Variants in PRKAG2 observed in about 807,000 individuals in gnomAD.
The protein encoded by PRKAG2 is protein kinase AMP-activated non-catalytic subunit gamma 2, also known as 5'-AMP-activated protein kinase subunit gamma-2.
PRKAG2 carries 26 observed loss-of-function variants against 69.6 expected under a neutral mutation model. That is an observed-to-expected ratio of 0.37 (90% CI 0.27 to 0.52). The LOEUF (loss-of-function observed/expected upper bound fraction) is 0.52. Among genes scored for constraint, PRKAG2 ranks in the 20% least tolerant of loss-of-function variants. The pLI is 0.90. For synonymous variants in PRKAG2, 293 were observed against 285.0 expected (o/e 1.03, Z -0.28); for missense variants, 557 against 740.0 (o/e 0.75, Z 2.87).
rs1343010457 is a variant in PRKAG2 at position 151,832,234 on chromosome 7, GAGGAGGAGGGAAGGAA to G, written c.114+44257_114+44272del. Among the ~76,000 whole-genome samples the G allele has an allele frequency of 8.8e-3, 493 of 56,152 alleles. 2 individuals carry two copies. Among genetic ancestry groups the G allele is most frequent in the African/African-American group, 0.03 (469 of 15,420 alleles). 36.8% of individuals were successfully genotyped at this position (56,152 alleles called of 152,430 possible). On this transcript the variant is annotated intron_variant, in intron 1 of 15. Coordinates refer to ENST00000287878, the MANE Select transcript of PRKAG2 (RefSeq NM_016203.4). ...GGAAGAGGAGGGGAGGAGGGAAGGA[GAGGAGGAGGGAAGGAA>G]GGGAGGAGGGAAGGAAGGGAGGAGG...
rs753859556 is a variant in PRKAG2, at chr7:151,675,512, G to A, written c.592C>T (p.Pro198Ser). 2 of 1,614,074 alleles carry A rather than the reference G, an allele frequency of 1.2e-6. No individual in the cohort carries two copies. The highest frequency in any genetic ancestry group is 1.3e-5 in the African/African-American group (1 of 74,928). Reference protein sequence around the residue: ...ENRIYASSSPPDTGQRFCPSS... With the variant: ...ENRIYASSSPSDTGQRFCPSS... ...GGGCAGAACCTCTGCCCTGTGTCCG[G>A]GGGGGAAGACGAGGCATAGATGCGA... The change falls in exon 4 of 16, where the codon CCG becomes TCG. Residue 198 changes from proline to serine, a missense_variant. Physicochemically the swap from Pro to Ser is moderately conservative, Grantham distance 74. Coordinates refer to ENST00000287878, the MANE Select transcript of PRKAG2 (RefSeq NM_016203.4).
rs564694149 is a variant in PRKAG2 at position 151,586,379 on chromosome 7, C to T, written c.864+8966G>A. ...TGACCGATTCCATTCATTCATAAAT[C>T]TCAGCTGGGATTGATACTACATTCC... On this transcript the variant is annotated intron_variant, in intron 6 of 15. Coordinates refer to ENST00000287878, the MANE Select transcript of PRKAG2 (RefSeq NM_016203.4). 6.5e-4 allele frequency among the ~76,000 whole-genome samples: 99 copies of T among 152,248 alleles called. 1 individual carries two copies. In the Middle Eastern group the frequency reaches 0.02, roughly 31 times the overall value.
At chr7:151,751,578 G>A (rs965398044) in intron 3 of PRKAG2, among the ~76,000 whole-genome samples, 15 of 151,834 alleles carry the variant, frequency 9.9e-5, no homozygotes, top group African/African-American at 3.6e-4. Context: ...CAATCACAGC[G>A]CACTGCAGCC....
intron 3 of PRKAG2, among the ~76,000 whole-genome samples, chr7:151,749,891 G>A (rs1436278735): frequency 6.6e-6 from 1 of 151,746 alleles, no homozygotes; most frequent in Non-Finnish European, 1.5e-5. Context: ...GAGGTCAGGA[G>A]TTTGAGACCA....
intron 4 of PRKAG2, among the ~76,000 whole-genome samples, chr7:151,663,376 CTTTTTG>C (rs1830595579): frequency 1.3e-5 from 2 of 152,158 alleles, no homozygotes; most frequent in South Asian, 4.1e-4. Flanking sequence ...CCAACATTTT[CTTTTTG>C]TTTTTGTTTT....
At chr7:151,726,371 GACACACACACACAC>G (rs60238080) in intron 3 of PRKAG2, among the ~76,000 whole-genome samples, 33,317 of 148,354 alleles carry the variant, frequency 0.22, 4,831 homozygotes, top group Non-Finnish European at 0.33. Flanking sequence ...AGGGAGGCAG[GACACACACACACAC>G]ACACACACAC....
intron 3 of PRKAG2, among the ~76,000 whole-genome samples, chr7:151,749,500 G>A (rs1429061182): frequency 1.3e-5 from 2 of 152,162 alleles, no homozygotes; most frequent in African/African-American, 4.8e-5. Context: ...TTGTGCATCA[G>A]AGGACAATAA....
intron 3 of PRKAG2, among the ~76,000 whole-genome samples, chr7:151,689,042 A>T (rs1835216227): frequency 6.6e-6 from 1 of 152,224 alleles, no homozygotes; most frequent in African/African-American, 2.4e-5. Context: ...AATGAAGTGG[A>T]AAATCAGTGT....
chr7:151,710,818 C>T (rs966628767), intron 3 of PRKAG2, among the ~76,000 whole-genome samples: 3 of 152,244 alleles, frequency 2.0e-5, no homozygotes, highest in Non-Finnish European at 2.9e-5. Context: ...ACTTTGTTCT[C>T]TGTACCTCTG....
chr7:151,848,058 C>T (rs1016768622), intron 1 of PRKAG2, among the ~76,000 whole-genome samples: 1 of 152,238 alleles, frequency 6.6e-6, no homozygotes, highest in Non-Finnish European at 1.5e-5. Context: ...CTCCCTCCTG[C>T]ACTGTGAAGT....
intron 1 of PRKAG2, among the ~76,000 whole-genome samples, chr7:151,800,215 A>G (rs1027859979): frequency 1.3e-5 from 2 of 151,632 alleles, no homozygotes; most frequent in South Asian, 2.1e-4. Context: ...AAAATTAGCC[A>G]GGTGTGGTGG....
intron 1 of PRKAG2, among the ~76,000 whole-genome samples, chr7:151,863,275 C>T (rs945430140): frequency 6.6e-6 from 1 of 151,942 alleles, no homozygotes; most frequent in Non-Finnish European, 1.5e-5. Flanking sequence ...ACAGGGAGCA[C>T]TGGTAGCCAC....
At chr7:151,778,782 T>C (rs775802279) in intron 3 of PRKAG2, among the ~76,000 whole-genome samples, 4 of 152,196 alleles carry the variant, frequency 2.6e-5, no homozygotes, top group Non-Finnish European at 5.9e-5. Flanking sequence ...GAAGCTAGTC[T>C]CAAAAAATTG....
chr7:151,642,765 T>C (rs1181051880), intron 4 of PRKAG2, among the ~76,000 whole-genome samples: 3 of 152,228 alleles, frequency 2.0e-5, no homozygotes, highest in African/African-American at 7.2e-5. Context: ...AAGGAAGTAT[T>C]GTTAAACAAA....
At chr7:151,785,913 C>G (rs1337714366) in intron 2 of PRKAG2, among the ~76,000 whole-genome samples, 2 of 152,176 alleles carry the variant, frequency 1.3e-5, no homozygotes, top group Admixed American at 6.5e-5. Context: ...ACAACCTCCT[C>G]GAGACACTAG....
chr7:151,858,881 A>C (rs1348914021), intron 1 of PRKAG2, among the ~76,000 whole-genome samples: 1 of 152,138 alleles, frequency 6.6e-6, no homozygotes, highest in Non-Finnish European at 1.5e-5. Context: ...TTCTGCCCCC[A>C]GGAGTCTTGA....
chr7:151,764,056 G>A (rs2075591865), intron 3 of PRKAG2, among the ~76,000 whole-genome samples: 3 of 152,344 alleles, frequency 2.0e-5, no homozygotes, highest in Middle Eastern at 3.4e-3. Context: ...GGGCTGGGAC[G>A]GGCAGACAGC....
rs977139094 is a variant in PRKAG2, at chr7:151,736,221, G to A, written c.466+44931C>T. ...CAGCCCCAGAGTCTGTGAGGCGCCA[G>A]GGAGTGGAGCCGTCCTGACGGGGCT... On this transcript the variant is annotated intron_variant, in intron 3 of 15. Transcript: ENST00000287878. The A allele has an allele frequency of 2.7e-5, 38 of 1,393,068 alleles. No homozygotes were observed. The African/African-American group carries it at 3.0e-4, about 11-fold the overall frequency. 86.3% of individuals were successfully genotyped at this position (1,393,068 alleles called of 1,614,324 possible). A position where few individuals can be genotyped will look rare whatever the true frequency, so the allele number is the denominator to read the frequency against.
chr7:151,750,578 G>A (rs890644490), intron 3 of PRKAG2, among the ~76,000 whole-genome samples: 2 of 152,212 alleles, frequency 1.3e-5, no homozygotes, highest in Non-Finnish European at 2.9e-5. Context: ...CGGCAGCTTA[G>A]CATCTGCTAA....
Sources: gnomAD v4.1 joint callset for allele counts (sites outside exome capture counted in the v4.1 genomes callset) on GRCh38, gnomAD v4.1.1 for gene constraint, MANE v1.5 for transcripts, NCBI Gene and HGNC (gene_info 2026-07-23, HGNC 2026-07-21) for gene names.